Variants in RABGEF1 observed in about 807,000 individuals in gnomAD.
The protein encoded by RABGEF1 is RAB guanine nucleotide exchange factor 1.
A neutral mutation model predicts 57.3 loss-of-function variants in RABGEF1; 26 were observed. That is an observed-to-expected ratio of 0.45 (90% CI 0.33 to 0.63). The LOEUF is 0.63. RABGEF1 is among the 20% of genes least tolerant of loss of function. The probability of loss-of-function intolerance (pLI) is 0.02; values close to 1 mark genes in which losing one functional copy is unlikely to be tolerated. For synonymous variants in RABGEF1, 185 were observed against 210.7 expected, an observed-to-expected ratio of 0.88 and a Z score of 1.06; for missense variants, 464 against 607.6, an observed-to-expected ratio of 0.76 and a Z score of 2.48.
chr7:66,673,898 A>G, the RABGEF1 span, among the ~76,000 whole-genome samples: 2 of 152,164 alleles, frequency 1.3e-5, no homozygotes, highest in Non-Finnish European at 2.9e-5. Context: ...AAGAAAAAAA[A>G]TCTGAAAAGT....
At chr7:66,696,677 G>A (rs1156288544) in intron 1 of RABGEF1, among the ~76,000 whole-genome samples, 9 of 140,760 alleles carry the variant, frequency 6.4e-5, no homozygotes, top group African/African-American at 2.1e-4. Flanking sequence ...GTGACAGGGC[G>A]AGACTCCGTC....
At chr7:66,682,415 G>A (rs896053424) in intron 1 of RABGEF1, among the ~76,000 whole-genome samples, 2 of 152,204 alleles carry the variant, frequency 1.3e-5, no homozygotes, top group African/African-American at 4.8e-5. Context: ...CGTCAGCGCC[G>A]CCTGCCCCGT....
intron 4 of RABGEF1, among the ~76,000 whole-genome samples, chr7:66,793,744 A>G (rs569217010): frequency 1.4e-5 from 2 of 144,342 alleles, no homozygotes; most frequent in South Asian, 2.2e-4. Context: ...ACAAAGTGCC[A>G]TGAGTGCTTG....
At chr7:66,752,106 C>T (rs891386943) in intron 1 of RABGEF1, among the ~76,000 whole-genome samples, 4 of 151,828 alleles carry the variant, frequency 2.6e-5, no homozygotes, top group Non-Finnish European at 4.4e-5. Flanking sequence ...GGCTGAGGCT[C>T]AAGATTGCTT....
Position 66,747,523 on chromosome 7 carries a change from A to G in RABGEF1, c.-18+6731A>G, listed in dbSNP as rs186411764. Among the ~76,000 whole-genome samples the G allele has an allele frequency of 9.3e-4, 141 of 152,330 alleles. No homozygotes were observed. In the East Asian group the frequency reaches 0.025, roughly 27 times the overall value. ...TTGAATTTATGGTGATTTGGTCTGTATGCTAAAATTAAAAATCGCTTTTGG... is the reference window on the plus strand; with the variant it reads ...TTGAATTTATGGTGATTTGGTCTGTGTGCTAAAATTAAAAATCGCTTTTGG... On this transcript the variant is annotated intron_variant, in intron 1 of 8. Transcript: ENST00000284957.
intron 1 of RABGEF1, among the ~76,000 whole-genome samples, chr7:66,750,373 C>T (rs1045246648): frequency 6.6e-6 from 1 of 152,116 alleles, no homozygotes; most frequent in Non-Finnish European, 1.5e-5. Context: ...AGAGACAGTA[C>T]TGAAATTCAG....
intron 1 of RABGEF1, among the ~76,000 whole-genome samples, chr7:66,686,570 A>G (rs1790670546): frequency 6.6e-6 from 1 of 152,238 alleles, no homozygotes; most frequent in Non-Finnish European, 1.5e-5. Flanking sequence ...GTTATTTCAC[A>G]TGGCTGAAGT....
the RABGEF1 span, among the ~76,000 whole-genome samples, chr7:66,660,337 G>T: frequency 7.0e-6 from 1 of 142,780 alleles, no homozygotes; most frequent in African/African-American, 2.6e-5. Context: ...GACAAAGCGA[G>T]ACTCCATCTC....
At chr7:66,720,193 TA>T (rs201539921) in intron 2 of RABGEF1, among the ~76,000 whole-genome samples, 2,931 of 126,700 alleles carry the variant, frequency 0.023, 50 homozygotes, top group East Asian at 0.056. Flanking sequence ...TTATTATTAT[TA>T]TTTTTTTTTT....
the RABGEF1 span, among the ~76,000 whole-genome samples, chr7:66,663,277 G>T: frequency 6.6e-6 from 1 of 152,148 alleles, no homozygotes; most frequent in Admixed American, 6.5e-5. Context: ...CTCTGTTTGG[G>T]GCTCTCAGCT....
upstream of RABGEF1, among the ~76,000 whole-genome samples, chr7:66,677,761 CAAAAAAAA>C (rs35401177): frequency 7.4e-5 from 5 of 67,492 alleles, no homozygotes; most frequent in African/African-American, 1.9e-4. Flanking sequence ...GACTCCGTCT[CAAAAAAAA>C]AAAAAAAAAA....
intron 2 of RABGEF1, among the ~76,000 whole-genome samples, chr7:66,717,116 C>A (rs1476785322): frequency 1.3e-5 from 2 of 152,078 alleles, no homozygotes; most frequent in African/African-American, 4.8e-5. Flanking sequence ...TCCTTTCCTG[C>A]CTTCTTTTGG....
intron 2 of RABGEF1, among the ~76,000 whole-genome samples, chr7:66,731,546 G>C (rs1486872089): frequency 6.6e-6 from 1 of 151,750 alleles, no homozygotes; most frequent in South Asian, 2.1e-4. Flanking sequence ...GTGAAACCCT[G>C]TCTCTCCAGA....
At chr7:66,785,967 G>T (rs756261015) in intron 4 of RABGEF1, among the ~76,000 whole-genome samples, 1 of 152,086 alleles carries the variant, frequency 6.6e-6, no homozygotes, top group Non-Finnish European at 1.5e-5. Context: ...CTTTCTAGAT[G>T]GTATCCTAAG....
intron 1 of RABGEF1, among the ~76,000 whole-genome samples, chr7:66,692,073 A>G (rs1791598944): frequency 6.6e-6 from 1 of 150,978 alleles, no homozygotes; most frequent in Non-Finnish European, 1.5e-5. Flanking sequence ...AAACAAACAA[A>G]CAAACAAATA....
At chr7:66,766,358 C>T (rs1207872366) in intron 1 of RABGEF1, among the ~76,000 whole-genome samples, 1 of 151,056 alleles carries the variant, frequency 6.6e-6, no homozygotes, top group African/African-American at 2.4e-5. Flanking sequence ...CCACTTACTA[C>T]CTTTTTGATG....
intron 1 of RABGEF1, among the ~76,000 whole-genome samples, chr7:66,692,115 C>T (rs1429143811): frequency 1.3e-5 from 2 of 152,284 alleles, no homozygotes; most frequent in East Asian, 3.9e-4. Context: ...AAATTTGTTT[C>T]ATTTCTGCAG....
chr7:66,730,744 G>C (rs939877933), intron 2 of RABGEF1, among the ~76,000 whole-genome samples: 1 of 152,112 alleles, frequency 6.6e-6, no homozygotes, highest in African/African-American at 2.4e-5. Flanking sequence ...TTTTGGTAGA[G>C]ATGGGATTTC....
At chr7:66,705,213 C>T (rs1241193373) in intron 1 of RABGEF1, among the ~76,000 whole-genome samples, 1 of 152,018 alleles carries the variant, frequency 6.6e-6, no homozygotes, top group Non-Finnish European at 1.5e-5. Flanking sequence ...CAAGCTTGGC[C>T]AACATGGTAA....
Sources: gnomAD v4.1 joint callset for allele counts (sites outside exome capture counted in the v4.1 genomes callset) on GRCh38, gnomAD v4.1.1 for gene constraint, MANE v1.5 for transcripts, NCBI Gene and HGNC (gene_info 2026-07-23, HGNC 2026-07-21) for gene names.